POU5F1B: variants seen among roughly 807,000 people sequenced by gnomAD.
POU5F1B encodes POU class 5 homeobox 1B.
POU5F1B carries 24 observed loss-of-function variants against 28.1 expected under a neutral mutation model. The observed-to-expected ratio is 0.85, with a 90% CI of 0.62 to 1.20. The LOEUF (loss-of-function observed/expected upper bound fraction) is 1.20. Among genes scored for constraint, POU5F1B ranks in the 50% most tolerant of loss-of-function variants. The probability of loss-of-function intolerance (pLI) is 0.00; values close to 1 mark genes in which losing one functional copy is unlikely to be tolerated. For synonymous variants in POU5F1B, 220 were observed against 193.2 expected (o/e 1.14, Z -1.15); for missense variants, 451 against 451.5 (o/e 1.00, Z 0.01).
exon 3 of POU5F1B, chr8:127,417,215 G>GAAAAC: frequency 3.1e-6 from 1 of 322,020 alleles, no homozygotes; most frequent in Non-Finnish European, 5.6e-6. Flanking sequence ...AAAAAAGAAA[G>GAAAAC]AAAAGAAAAG....
chr8:127,416,202 G>A (rs747198568), exon 3 of POU5F1B: 6 of 1,613,704 alleles, frequency 3.7e-6, no homozygotes, highest in African/African-American at 1.3e-5. Flanking sequence ...GGGCCTCCCC[G>A]GAACCCTGCA....
At chr8:127,415,695 A>T in exon 3 of POU5F1B, 1 of 1,051,396 alleles carries the variant, frequency 9.5e-7, no homozygotes, top group Non-Finnish European at 1.3e-6. Context: ...TAAAGAGATT[A>T]CTTTTGAAGA....
At position 127,415,852 on chromosome 8, in the gene POU5F1B, G is replaced by A; in HGVS notation, c.-15G>A. On this transcript the variant is annotated 5_prime_UTR_variant, in exon 3 of 3. Transcript: ENST00000465342. ...CATTTCACCAGGCCCCCGGCTTGGG[G>A]CGCCTTCCTTCCCCATGGCGGGACA... 1 of 1,508,790 alleles carries A rather than the reference G, an allele frequency of 6.6e-7. No homozygotes were observed. The highest frequency in any genetic ancestry group is 8.9e-7 in the Non-Finnish European group (1 of 1,128,828). 93.5% of individuals were successfully genotyped at this position (1,508,790 alleles called of 1,614,324 possible).
exon 3 of POU5F1B, chr8:127,417,196 A>T: frequency 4.3e-6 from 1 of 232,452 alleles, no homozygotes; most frequent in Non-Finnish European, 7.7e-6. Flanking sequence ...GGACACAGTA[A>T]AAAAAAAAAA....
chr8:127,413,632 G>A (rs770818230), intron 1 of POU5F1B, among the ~76,000 whole-genome samples: 52 of 152,142 alleles, frequency 3.4e-4, no homozygotes, highest in Non-Finnish European at 6.9e-4. Flanking sequence ...AAACCACAAT[G>A]CCATTGTCTG....
chr8:127,413,914 C>A (rs1815095741), intron 1 of POU5F1B, among the ~76,000 whole-genome samples: 1 of 151,874 alleles, frequency 6.6e-6, no homozygotes, highest in South Asian at 2.1e-4. Flanking sequence ...TCAAATGACA[C>A]TAGAAATATT....
rs536151237 is a variant in POU5F1B at position 127,416,785 on chromosome 8, G to T, written c.919G>T (p.Gly307Ter). 7.2e-5 allele frequency: 116 copies of T among 1,606,380 alleles called. 1 individual carries two copies. In the East Asian group the frequency reaches 2.0e-3, roughly 27 times the overall value. Residue 307 changes from glycine (G) to a stop codon, truncating the protein, a stop_gained, in exon 3 of 3, where the codon GGA becomes TGA. Coordinates refer to ENST00000465342, the Ensembl canonical transcript of POU5F1B. LOFTEE classifies it high-confidence loss of function. Reference sequence around the variant, plus strand: ...GGCTGCTGGGTCTCCTTTCTCAGGGGGACCAGTGTCCTTTCCTCCGGCCCC... The same window carrying T: ...GGCTGCTGGGTCTCCTTTCTCAGGGTGACCAGTGTCCTTTCCTCCGGCCCC...
chr8:127,415,621 A>G (rs1311759002), exon 3 of POU5F1B: 7 of 611,438 alleles, frequency 1.1e-5, no homozygotes, highest in Non-Finnish European at 1.7e-5. Flanking sequence ...CAACATTTCC[A>G]AATCTTGGCA....
In POU5F1B at chr8:127,416,166, A is replaced by T. The variant is rs77810828; in HGVS notation, c.300A>T (p.Gly100=). 1,755 of 1,613,840 alleles carry T rather than the reference A, an allele frequency of 1.1e-3. 19 individuals carry two copies. The African/African-American group carries it at 0.02, about 19-fold the overall frequency. ...CCTCTCAGCCTGAGAGCGAAGCAGG[A>T]GTCGGGGTGGAGAGCAACTCCAATG... is the stretch of plus-strand genomic sequence containing the variant. The change falls in exon 3 of 3, where the codon GGA becomes GGT. Residue 100 remains glycine, a synonymous_variant. Transcript: ENST00000465342.
At chr8:127,417,003 A>G (rs1449532795) in exon 3 of POU5F1B, 1 of 1,564,866 alleles carries the variant, frequency 6.4e-7, no homozygotes, top group Non-Finnish European at 8.7e-7. Flanking sequence ...GGGAAAGAGA[A>G]CCTGGAGTTT....
chr8:127,417,105 T>G (rs1815158741), exon 3 of POU5F1B: 4 of 1,031,168 alleles, frequency 3.9e-6, no homozygotes, highest in Non-Finnish European at 5.6e-6. Context: ...GGCAACTGGT[T>G]GGAGGGAAGG....
At chr8:127,416,975 A>T (rs774564179) in exon 3 of POU5F1B, 1 of 1,586,200 alleles carries the variant, frequency 6.3e-7, no homozygotes, top group South Asian at 1.2e-5. Flanking sequence ...AATGGGGAAC[A>T]GGGGAGGGGA....
exon 3 of POU5F1B, chr8:127,416,666 G>T: frequency 6.2e-7 from 1 of 1,604,198 alleles, no homozygotes; most frequent in Non-Finnish European, 8.5e-7. Flanking sequence ...CAGCAGCTTG[G>T]GCTCGAGAAG....
chr8:127,413,778 G>A (rs1815093365), intron 1 of POU5F1B, among the ~76,000 whole-genome samples: 1 of 151,836 alleles, frequency 6.6e-6, no homozygotes, highest in African/African-American at 2.4e-5. Context: ...GAGACAATAT[G>A]GACTTGACTT....
At chr8:127,416,068 G>A in exon 3 of POU5F1B, 1 of 1,612,366 alleles carries the variant, frequency 6.2e-7, no homozygotes. Flanking sequence ...CCCGCCGTAT[G>A]AGTTATGTGG....
At chr8:127,416,629 C>G (rs773976279) in exon 3 of POU5F1B, 4 of 1,599,410 alleles carry the variant, frequency 2.5e-6, no homozygotes, top group South Asian at 1.1e-5. Context: ...GTGCCCGAAA[C>G]CCACACTGCA....
At chr8:127,415,768 C>T (rs1268114249) in exon 3 of POU5F1B, 1 of 1,442,618 alleles carries the variant, frequency 6.9e-7, no homozygotes, top group East Asian at 2.5e-5. Context: ...TGCTAGTGAG[C>T]GTATGACACA....
At chr8:127,416,016 G>C in exon 3 of POU5F1B, 1 of 1,600,522 alleles carries the variant, frequency 6.2e-7, no homozygotes, top group Non-Finnish European at 8.5e-7. Flanking sequence ...TCGGGCCGGG[G>C]GTTGGGCCAG....
chr8:127,417,200 A>AAAAAG (rs2130629718), exon 3 of POU5F1B: 1 of 311,756 alleles, frequency 3.2e-6, no homozygotes, highest in East Asian at 4.7e-5. Flanking sequence ...ACAGTAAAAA[A>AAAAAG]AAAAAAAAAA....
Sources: gnomAD v4.1 joint callset for allele counts (sites outside exome capture counted in the v4.1 genomes callset) on GRCh38, gnomAD v4.1.1 for gene constraint, MANE v1.5 for transcripts, NCBI Gene and HGNC (gene_info 2026-07-23, HGNC 2026-07-21) for gene names.